Variants in RASAL2 observed in about 807,000 individuals in gnomAD.
RASAL2 encodes the protein ras GTPase-activating protein nGAP.
In RASAL2, 58 loss-of-function variants were observed where a neutral mutation model predicts 128.9. That is an observed-to-expected ratio of 0.45 (90% CI 0.36 to 0.56). The LOEUF is 0.56. Ranked by LOEUF, RASAL2 falls within the 20% of genes least tolerant of loss-of-function variation. The probability of loss-of-function intolerance (pLI) is 0.00; values close to 1 mark genes in which losing one functional copy is unlikely to be tolerated. For synonymous variants in RASAL2, 561 were observed against 580.8 expected, an observed-to-expected ratio of 0.97 and a Z score of 0.49; for missense variants, 1,360 against 1,601.6, an observed-to-expected ratio of 0.85 and a Z score of 2.57.
rs1042512314 is a variant in RASAL2 at position 178,325,469 on chromosome 1, G to A, written c.457+25351G>A. On this transcript the variant is annotated intron_variant, in intron 3 of 17. Transcript: ENST00000367649. ...TTTTAAAGGTAGGAATTGTAGAGAAGTATTCATTCAGATATATGTATTAGG... is the reference window on the plus strand; with the variant it reads ...TTTTAAAGGTAGGAATTGTAGAGAAATATTCATTCAGATATATGTATTAGG... Among the ~76,000 whole-genome samples the A allele has an allele frequency of 1.3e-5, 2 of 152,150 alleles. 1 individual carries two copies. The highest frequency in any genetic ancestry group is 1.3e-4 in the Admixed American group (2 of 15,268).
At chr1:178,155,480 T>A (rs1328712728) in intron 1 of RASAL2, among the ~76,000 whole-genome samples, 5 of 147,778 alleles carry the variant, frequency 3.4e-5, no homozygotes, top group East Asian at 2.0e-4. Flanking sequence ...AAAAAAAAAA[T>A]TTTAGAAGTA....
intron 1 of RASAL2, among the ~76,000 whole-genome samples, chr1:178,201,922 C>T (rs964775482): frequency 2.0e-5 from 3 of 152,126 alleles, no homozygotes; most frequent in Non-Finnish European, 4.4e-5. Flanking sequence ...AAGGGGAGGC[C>T]GGGTCCCCTT....
intron 1 of RASAL2, among the ~76,000 whole-genome samples, chr1:178,231,243 G>A (rs1663997298): frequency 6.6e-6 from 1 of 151,882 alleles, no homozygotes; most frequent in South Asian, 2.1e-4. Flanking sequence ...CTGGTGGGGT[G>A]GGCCCTCTCC....
At chr1:178,300,643 A>G (rs890894846) in intron 3 of RASAL2, among the ~76,000 whole-genome samples, 6 of 152,116 alleles carry the variant, frequency 3.9e-5, no homozygotes, top group African/African-American at 1.2e-4. Flanking sequence ...TCCTACTTCC[A>G]TTTTTCCAGT....
At chr1:178,289,094 A>G (rs1195513146) in intron 2 of RASAL2, among the ~76,000 whole-genome samples, 1 of 152,024 alleles carries the variant, frequency 6.6e-6, no homozygotes, top group African/African-American at 2.4e-5. Flanking sequence ...CTTTAAATCT[A>G]TTTCAGCCAG....
At chr1:178,166,279 C>T (rs546718866) in intron 1 of RASAL2, among the ~76,000 whole-genome samples, 2 of 152,084 alleles carry the variant, frequency 1.3e-5, no homozygotes, top group Non-Finnish European at 2.9e-5. Context: ...GCATGCCATC[C>T]AAGTGGCAAC....
intron 1 of RASAL2, among the ~76,000 whole-genome samples, chr1:178,148,433 C>CTTATTTATTTATTTATTTAT (rs543499669): frequency 4.7e-4 from 71 of 151,156 alleles, no homozygotes; most frequent in African/African-American, 1.6e-3. Flanking sequence ...CTATTTCATT[C>CTTATTTATTTATTTATTTAT]TTATTTATTT....
chr1:178,323,884 C>G (rs1387433986), intron 3 of RASAL2, among the ~76,000 whole-genome samples: 1 of 152,104 alleles, frequency 6.6e-6, no homozygotes, highest in Non-Finnish European at 1.5e-5. Flanking sequence ...AAAAACCACA[C>G]AAGAAGATTT....
At chr1:178,108,982 CT>C (rs902225255) in intron 1 of RASAL2, among the ~76,000 whole-genome samples, 6 of 152,208 alleles carry the variant, frequency 3.9e-5, no homozygotes, top group South Asian at 2.1e-4. Context: ...AAAATATGGA[CT>C]TTTTTTCTAT....
At chr1:178,462,343 A>G (rs1194058149) in intron 14 of RASAL2, among the ~76,000 whole-genome samples, 1 of 152,214 alleles carries the variant, frequency 6.6e-6, no homozygotes, top group African/African-American at 2.4e-5. Context: ...AGAATAATAA[A>G]TGAATAATAT....
intron 4 of RASAL2, among the ~76,000 whole-genome samples, chr1:178,396,826 T>TAA (rs60205143): frequency 0.12 from 15,620 of 134,008 alleles, 944 homozygotes; most frequent in Middle Eastern, 0.16. Flanking sequence ...GAGTGGCTGG[T>TAA]AAAAAAAAAA....
chr1:178,222,592 G>A lies in RASAL2; in HGVS notation c.203-60972G>A, dbSNP rs988243828. 5.9e-5 allele frequency among the ~76,000 whole-genome samples: 9 copies of A among 152,066 alleles called. No homozygotes were observed. The South Asian group carries it at 1.5e-3, about 25-fold the overall frequency. On this transcript the variant is annotated intron_variant, in intron 1 of 17. Transcript: ENST00000367649. ...ATGCTTAAAGTTCTATCTTAGAACC[G>A]ATTGCCTGATTATTTATCAGATGTC...
At chr1:178,098,970 G>T (rs781395900) in intron 1 of RASAL2, among the ~76,000 whole-genome samples, 24 of 152,200 alleles carry the variant, frequency 1.6e-4, no homozygotes, top group Non-Finnish European at 3.4e-4. Flanking sequence ...TCATATTCAA[G>T]AAGTGAATAT....
intron 1 of RASAL2, among the ~76,000 whole-genome samples, chr1:178,258,614 CAA>C (rs1401545296): frequency 6.6e-6 from 1 of 152,258 alleles, no homozygotes; most frequent in East Asian, 1.9e-4. Flanking sequence ...CAGATAATAA[CAA>C]GTGTTGACTT....
At position 178,456,726 on chromosome 1, in the gene RASAL2, C is replaced by T. The variant is rs764534341; in HGVS notation, c.2217C>T (p.Thr739=). 53 of 1,613,904 alleles carry T rather than the reference C, an allele frequency of 3.3e-5. No individual in the cohort carries two copies. Among genetic ancestry groups the T allele is most frequent in the Admixed American group, 1.2e-4 (7 of 59,990 alleles). The change falls in exon 13 of 18, where the codon ACC becomes ACT. Residue 739 remains threonine (T), a synonymous_variant. Transcript: ENST00000367649. ...WEVVSQLDKA[T]VAKLGPLPRV... ...GTGAAAATTCCTTCCTACAGGCGAC[C>T]GTGGCAAAATTGGGGCCTCTCCCTC... is the stretch of plus-strand genomic sequence containing the variant.
At chr1:178,191,585 C>T (rs556143754) in intron 1 of RASAL2, among the ~76,000 whole-genome samples, 25 of 152,256 alleles carry the variant, frequency 1.6e-4, no homozygotes, top group Admixed American at 4.6e-4. Flanking sequence ...GCCGTTTACA[C>T]GTTAGCTTTT....
chr1:178,408,619 G>GTTTTTTTTTTTTTTTTTTTTTTT (rs1012370223), intron 4 of RASAL2, among the ~76,000 whole-genome samples: 1 of 143,254 alleles, frequency 7.0e-6, no homozygotes, highest in African/African-American at 2.8e-5. Flanking sequence ...TTTGTTTTTT[G>GTTTTTTTTTTTTTTTTTTTTTTT]TTTTTTGTTT....
At chr1:178,339,827 T>C (rs2102400318) in intron 3 of RASAL2, among the ~76,000 whole-genome samples, 1 of 152,280 alleles carries the variant, frequency 6.6e-6, no homozygotes, top group African/African-American at 2.4e-5. Flanking sequence ...AAATGCTGTG[T>C]TTGTAAGTCA....
At chr1:178,167,927 G>C (rs1373859940) in intron 1 of RASAL2, among the ~76,000 whole-genome samples, 1 of 151,988 alleles carries the variant, frequency 6.6e-6, no homozygotes, top group African/African-American at 2.4e-5. Flanking sequence ...GCTTTTAAGG[G>C]GGAGTGCAAG....
Sources: allele counts gnomAD v4.1 joint callset (sites outside exome capture counted in the v4.1 genomes callset), GRCh38; gene constraint gnomAD v4.1.1; transcripts MANE v1.5; gene names NCBI Gene and HGNC (gene_info 2026-07-23, HGNC 2026-07-21).